RUNX2: variants seen among roughly 807,000 people sequenced by gnomAD.
RUNX2 encodes the protein RUNX family transcription factor 2.
Under a neutral mutation model 51.7 loss-of-function variants are expected in RUNX2, and 10 were observed. The ratio of observed to expected loss-of-function variants is 0.19; its 90% confidence interval spans 0.12 to 0.33. The LOEUF (loss-of-function observed/expected upper bound fraction) is 0.33, where lower values mean the gene tolerates loss of function less well. Among genes scored for constraint, RUNX2 ranks in the 10% least tolerant of loss-of-function variants. The pLI is 1.00. For missense variants in RUNX2, 562 were observed against 691.3 expected (o/e 0.81, Z 2.10); for synonymous variants, 276 against 273.6 (o/e 1.01, Z -0.09).
At chr6:45,362,129 A>C (rs563345385) in intron 2 of RUNX2, among the ~76,000 whole-genome samples, 103 of 152,308 alleles carry the variant, frequency 6.8e-4, no homozygotes, top group Non-Finnish European at 1.3e-3. Context: ...CCCAAATTCA[A>C]AATATGGTAA....
In RUNX2 at chr6:45,448,623, A is replaced by G. The variant is rs539111536; in HGVS notation, c.685+10572A>G. Among the ~76,000 whole-genome samples the G allele has an allele frequency of 3.9e-5, 6 of 152,226 alleles. No homozygotes were observed. The South Asian group carries it at 1.2e-3, about 32-fold the overall frequency. ...GTGGGGAAGACATCAGATGACACTG[A>G]AGCAAGCTGGTGCTTTCTGCCTTGC... On this transcript the variant is annotated intron_variant, in intron 5 of 8. Coordinates refer to ENST00000647337, the MANE Select transcript of RUNX2 (RefSeq NM_001024630.4).
At chr6:45,371,303 A>T (rs1218629437) in intron 2 of RUNX2, among the ~76,000 whole-genome samples, 1 of 152,204 alleles carries the variant, frequency 6.6e-6, no homozygotes, top group Admixed American at 6.5e-5. Flanking sequence ...TTATGTGACC[A>T]AAAAGAAAAA....
At chr6:45,540,489 G>A (rs137941974) in intron 7 of RUNX2, among the ~76,000 whole-genome samples, 118 of 152,108 alleles carry the variant, frequency 7.8e-4, no homozygotes, top group African/African-American at 2.6e-3. Context: ...TTGGAGTCTC[G>A]TGTTGCCGCT....
chr6:45,499,509 A>G (rs375694137), intron 6 of RUNX2, among the ~76,000 whole-genome samples: 1 of 152,182 alleles, frequency 6.6e-6, no homozygotes, highest in East Asian at 1.9e-4. Context: ...TCAACCCGTT[A>G]TGTTGTTGCT....
chr6:45,526,263 A>C (rs547371237), intron 7 of RUNX2, among the ~76,000 whole-genome samples: 3 of 152,190 alleles, frequency 2.0e-5, no homozygotes, highest in Admixed American at 6.5e-5. Flanking sequence ...GAATCCATAG[A>C]CAATTTTTGA....
At chr6:45,540,539 T>G (rs570365243) in intron 7 of RUNX2, among the ~76,000 whole-genome samples, 1 of 152,302 alleles carries the variant, frequency 6.6e-6, no homozygotes, top group Non-Finnish European at 1.5e-5. Context: ...TCTATAAAAC[T>G]CATCTATAGA....
At chr6:45,542,132 T>C (rs778013454) in intron 7 of RUNX2, among the ~76,000 whole-genome samples, 17 of 152,068 alleles carry the variant, frequency 1.1e-4, no homozygotes, top group Non-Finnish European at 2.4e-4. Flanking sequence ...GCCCTGAAAA[T>C]TGAAGATCAG....
At position 45,467,133 on chromosome 6, in the gene RUNX2, C is replaced by T. The variant is rs554017316; in HGVS notation, c.686-24808C>T. 1.2e-4 allele frequency among the ~76,000 whole-genome samples: 19 copies of T among 152,294 alleles called. 1 individual carries two copies. In the South Asian group the frequency reaches 3.3e-3, roughly 27 times the overall value. ...TGCCTTACTCTGGCCGACTTTCAGT[C>T]CTCATGATCCTTGGCCTCTTTGCAG... On this transcript the variant is annotated intron_variant, in intron 5 of 8. Coordinates refer to ENST00000647337, the MANE Select transcript of RUNX2 (RefSeq NM_001024630.4).
intron 5 of RUNX2, among the ~76,000 whole-genome samples, chr6:45,484,437 A>G (rs1397032921): frequency 1.3e-5 from 2 of 152,238 alleles, no homozygotes; most frequent in East Asian, 1.9e-4. Context: ...ATTCCTAGAC[A>G]TTCACAAACC....
At chr6:45,370,916 T>TA (rs542828887) in intron 2 of RUNX2, among the ~76,000 whole-genome samples, 5 of 151,050 alleles carry the variant, frequency 3.3e-5, no homozygotes, top group South Asian at 2.1e-4. Flanking sequence ...AAATTGAGTT[T>TA]AAAAAAAAAA....
At chr6:45,521,853 G>T (rs534420050) in intron 7 of RUNX2, among the ~76,000 whole-genome samples, 1 of 152,262 alleles carries the variant, frequency 6.6e-6, no homozygotes, top group Non-Finnish European at 1.5e-5. Flanking sequence ...TCAGGCTCTG[G>T]TAGTGCAGGC....
chr6:45,507,961 C>A lies in RUNX2; in HGVS notation c.860-4285C>A, dbSNP rs565087548. On this transcript the variant is annotated intron_variant, in intron 6 of 8. Coordinates refer to ENST00000647337, the MANE Select transcript of RUNX2 (RefSeq NM_001024630.4). ...ATTATCTCATTTAATCATCAGACAA[C>A]TTTATGAAGGAGATATTCTTATTTA... Among the ~76,000 whole-genome samples, 12 of 152,260 alleles carry A rather than the reference C, an allele frequency of 7.9e-5. No individual in the cohort carries two copies. The South Asian group carries it at 2.3e-3, about 29-fold the overall frequency.
At chr6:45,375,271 G>T (rs1796622436) in intron 2 of RUNX2, among the ~76,000 whole-genome samples, 1 of 152,158 alleles carries the variant, frequency 6.6e-6, no homozygotes, top group Admixed American at 6.5e-5. Flanking sequence ...TATATTACAA[G>T]TCCCAACAAG....
intron 3 of RUNX2, among the ~76,000 whole-genome samples, chr6:45,425,471 C>G (rs537850966): frequency 6.6e-6 from 1 of 152,252 alleles, no homozygotes; most frequent in East Asian, 1.9e-4. Context: ...GGTAACAAGA[C>G]CATATTAAAT....
At chr6:45,406,386 A>G (rs183814605) in intron 2 of RUNX2, among the ~76,000 whole-genome samples, 1 of 152,276 alleles carries the variant, frequency 6.6e-6, no homozygotes, top group Admixed American at 6.5e-5. Flanking sequence ...CAATGGAAGA[A>G]TAAGACTCTT....
At chr6:45,526,364 A>G (rs529263273) in intron 7 of RUNX2, among the ~76,000 whole-genome samples, 15 of 152,350 alleles carry the variant, frequency 9.8e-5, no homozygotes, top group African/African-American at 3.6e-4. Context: ...AACCCTCTTT[A>G]CATGAGAATG....
intron 7 of RUNX2, among the ~76,000 whole-genome samples, chr6:45,523,210 C>T (rs557542343): frequency 6.6e-6 from 1 of 152,190 alleles, no homozygotes; most frequent in East Asian, 1.9e-4. Context: ...TCTCAGGAAA[C>T]ATTAACTGAT....
At position 45,466,262 on chromosome 6, in the gene RUNX2, G is replaced by A. The variant is rs572056958; in HGVS notation, c.686-25679G>A. Reference sequence around the variant, plus strand: ...AGGGAGGCTGAGGTTGCAGTGAGCCGAGATCCCGCCATTGCACTCCAGCCT... The same window carrying A: ...AGGGAGGCTGAGGTTGCAGTGAGCCAAGATCCCGCCATTGCACTCCAGCCT... On this transcript the variant is annotated intron_variant, in intron 5 of 8. Transcript: ENST00000647337. Among the ~76,000 whole-genome samples the A allele has an allele frequency of 2.5e-3, 374 of 151,696 alleles. 2 individuals carry two copies. Among genetic ancestry groups the A allele is most frequent in the African/African-American group, 8.5e-3 (351 of 41,342 alleles).
At chr6:45,432,381 A>G (rs1191229486) in intron 4 of RUNX2, among the ~76,000 whole-genome samples, 1 of 152,178 alleles carries the variant, frequency 6.6e-6, no homozygotes, top group African/African-American at 2.4e-5. Flanking sequence ...TGTTGGATCA[A>G]TTTCCTGGTA....
Sources: gnomAD v4.1 joint callset for allele counts (sites outside exome capture counted in the v4.1 genomes callset) on GRCh38, gnomAD v4.1.1 for gene constraint, MANE v1.5 for transcripts, NCBI Gene and HGNC (gene_info 2026-07-23, HGNC 2026-07-21) for gene names.